The following ARFGEF1 variants were observed in gnomAD, a reference collection of about 807,000 sequenced individuals.
ARFGEF1 encodes the protein brefeldin A-inhibited guanine nucleotide-exchange protein 1.
Under a neutral mutation model 231.0 loss-of-function variants are expected in ARFGEF1, and 42 were observed. The ratio of observed to expected loss-of-function variants is 0.18; its 90% CI spans 0.14 to 0.24. ARFGEF1 has a LOEUF of 0.24. ARFGEF1 is among the 10% of genes least tolerant of loss of function. The pLI, the probability that ARFGEF1 is intolerant of heterozygous loss-of-function variation, is 1.00. For missense variants in ARFGEF1, 1,345 were observed against 2,192.0 expected (o/e 0.61, Z 7.72); for synonymous variants, 710 against 732.3 (o/e 0.97, Z 0.49).
chr8:67,182,316 CCTTT>C (rs757388532), intron 5 of ARFGEF1, among the ~76,000 whole-genome samples: 56 of 145,254 alleles, frequency 3.9e-4, no homozygotes, highest in Non-Finnish European at 7.5e-4. Flanking sequence ...CCAGATTTCC[CCTTT>C]TTTTTTTTAT....
At chr8:67,306,744 C>T (rs1806763291) in intron 1 of ARFGEF1, among the ~76,000 whole-genome samples, 1 of 152,110 alleles carries the variant, frequency 6.6e-6, no homozygotes, top group Admixed American at 6.6e-5. Context: ...TTAAGGAAAG[C>T]TCTCGAAAGC....
At chr8:67,302,580 C>T (rs903806765) in intron 1 of ARFGEF1, 114 bp from the exon 2 acceptor site, 3 of 655,182 alleles carry the variant, frequency 4.6e-6, no homozygotes, top group East Asian at 6.1e-5. Context: ...GGAAAGAATG[C>T]AAATTTAATA....
chr8:67,317,628 A>G lies in ARFGEF1; in HGVS notation c.125-15162T>C, dbSNP rs975546232. 2.0e-4 allele frequency among the ~76,000 whole-genome samples: 30 copies of G among 149,432 alleles called. 1 individual carries two copies. Among genetic ancestry groups the G allele is most frequent in the African/African-American group, 6.9e-4 (28 of 40,562 alleles). On this transcript the variant is annotated intron_variant, in intron 1 of 38. Transcript: ENST00000262215. ...AATATTTAAAAAAAAAAAAAAAAAA[A>G]GGTTGGGAGCGGTGGCTTACACCTG...
chr8:67,311,515 G>C (rs1310950979), intron 1 of ARFGEF1, among the ~76,000 whole-genome samples: 1 of 144,972 alleles, frequency 6.9e-6, no homozygotes, highest in Non-Finnish European at 1.5e-5. Context: ...AGGGAGGTGG[G>C]GGGGGGTCAG....
intron 5 of ARFGEF1, among the ~76,000 whole-genome samples, chr8:67,179,364 T>G (rs1297971717): frequency 3.9e-5 from 6 of 152,212 alleles, no homozygotes; most frequent in African/African-American, 1.4e-4. Context: ...CCCATGACAC[T>G]GTGATCTACT....
chr8:67,328,122 A>T (rs987998807), intron 1 of ARFGEF1, among the ~76,000 whole-genome samples: 9 of 152,160 alleles, frequency 5.9e-5, no homozygotes, highest in African/African-American at 7.2e-5. Flanking sequence ...ACATTTTTTT[A>T]AAAAAGATAT....
At position 67,222,221 on chromosome 8, in the gene ARFGEF1, A is replaced by ATG. The variant is rs71249425; in HGVS notation, c.4209-2662_4209-2661insCA. Among the ~76,000 whole-genome samples, 164 of 114,200 alleles carry ATG rather than the reference A, an allele frequency of 1.4e-3. 1 individual carries two copies. Among genetic ancestry groups the ATG allele is most frequent in the Non-Finnish European group, 2.3e-3 (132 of 58,132 alleles). 74.9% of individuals were successfully genotyped at this position (114,200 alleles called of 152,430 possible). On this transcript the variant is annotated intron_variant, in intron 29 of 38. Coordinates refer to ENST00000262215, the MANE Select transcript of ARFGEF1 (RefSeq NM_006421.5). ...TATATATATACACACACATATATAT[A>ATG]TATGTATATGTATGTATGTATGTAT...
At chr8:67,317,511 C>T (rs1032293761) in intron 1 of ARFGEF1, among the ~76,000 whole-genome samples, 2 of 148,186 alleles carry the variant, frequency 1.3e-5, no homozygotes, top group African/African-American at 2.5e-5. Context: ...AATATAGACG[C>T]AAAAATCATC....
intron 27 of ARFGEF1, among the ~76,000 whole-genome samples, chr8:67,226,756 T>A (rs1327383845): frequency 6.6e-6 from 1 of 152,044 alleles, no homozygotes; most frequent in African/African-American, 2.4e-5. Context: ...TACTTACTGG[T>A]CAAAAATAAA....
chr8:67,283,165 A>G (rs1352437163), intron 7 of ARFGEF1, among the ~76,000 whole-genome samples: 2 of 152,182 alleles, frequency 1.3e-5, no homozygotes, highest in Non-Finnish European at 2.9e-5. Context: ...TACAATAAAT[A>G]CCATCATTAC....
At chr8:67,236,110 C>T (rs577956251) in intron 22 of ARFGEF1, among the ~76,000 whole-genome samples, 2 of 151,214 alleles carry the variant, frequency 1.3e-5, no homozygotes, top group East Asian at 3.9e-4. Context: ...ACCTGGCCAA[C>T]ATGGTGAAAC....
intron 6 of ARFGEF1, among the ~76,000 whole-genome samples, chr8:67,291,637 G>A (rs1806014788): frequency 6.6e-6 from 1 of 152,080 alleles, no homozygotes; most frequent in Admixed American, 6.6e-5. Flanking sequence ...CTCATGAGAT[G>A]CTAATAAATG....
Position 67,267,575 on chromosome 8 carries a change from C to G in ARFGEF1, c.1573-133G>C, listed in dbSNP as rs1047965701. The G allele has an allele frequency of 1.2e-5, 7 of 590,268 alleles. No homozygotes were observed. The African/African-American group carries it at 1.3e-4, about 11-fold the overall frequency. The allele number at this position is 590,268 out of a possible 1,614,324, so 36.6% of individuals were successfully genotyped here. On this transcript the variant is annotated intron_variant, in intron 10 of 38. Coordinates refer to ENST00000262215, the MANE Select transcript of ARFGEF1 (RefSeq NM_006421.5). Reference sequence around the variant, plus strand: ...TATGGAGTTCAACTCCTTTTGAGTTCCATCTCTGAATCCTCAGGACTAAAA... The same window carrying G: ...TATGGAGTTCAACTCCTTTTGAGTTGCATCTCTGAATCCTCAGGACTAAAA...
At chr8:67,299,076 G>T in intron 4 of ARFGEF1, 133 bp downstream of exon 4, 2 of 884,402 alleles carry the variant, frequency 2.3e-6, no homozygotes, top group Non-Finnish European at 3.2e-6. Context: ...GAGCCACTGA[G>T]CCCGGCCTCG....
At chr8:67,222,269 A>ATGTATGTT (rs1483190587) in intron 29 of ARFGEF1, among the ~76,000 whole-genome samples, 1 of 101,946 alleles carries the variant, frequency 9.8e-6, no homozygotes, top group Non-Finnish European at 2.0e-5. Context: ...GTATGTATGT[A>ATGTATGTT]TTTTTTTTTT....
intron 1 of ARFGEF1, among the ~76,000 whole-genome samples, chr8:67,309,350 G>T (rs1806889263): frequency 6.6e-6 from 1 of 152,202 alleles, no homozygotes; most frequent in African/African-American, 2.4e-5. Context: ...CTGTTACATA[G>T]AACAGGGACA....
chr8:67,196,396 T>C (rs1296820611), downstream of ARFGEF1: 3 of 152,194 alleles, frequency 2.0e-5, no homozygotes, highest in Non-Finnish European at 2.9e-5. Flanking sequence ...AGTGAGTCCA[T>C]GTGAGTTTTC....
chr8:67,291,015 T>A (rs1805984727), intron 6 of ARFGEF1, among the ~76,000 whole-genome samples: 1 of 151,188 alleles, frequency 6.6e-6, no homozygotes, highest in Non-Finnish European at 1.5e-5. Flanking sequence ...TTCCTCAAAG[T>A]GAAGTAAAAA....
intron 4 of ARFGEF1, 29 bp downstream of exon 4, chr8:67,299,180 A>T (rs1806369361): frequency 2.0e-6 from 3 of 1,493,550 alleles, no homozygotes; most frequent in African/African-American, 1.4e-5. Flanking sequence ...CAGATTATTA[A>T]TAACAATTTT....
Sources: allele counts gnomAD v4.1 joint callset (sites outside exome capture counted in the v4.1 genomes callset), GRCh38; gene constraint gnomAD v4.1.1; transcripts MANE v1.5; gene names NCBI Gene and HGNC (gene_info 2026-07-23, HGNC 2026-07-21).